The following ARIH1 variants were observed in gnomAD, a reference collection of about 807,000 sequenced individuals.
ARIH1 encodes the protein E3 ubiquitin-protein ligase ARIH1.
ARIH1 carries 8 observed loss-of-function variants against 85.0 expected under a neutral mutation model. The ratio of observed to expected loss-of-function variants is 0.09; its 90% CI spans 0.06 to 0.17. The LOEUF (loss-of-function observed/expected upper bound fraction) is 0.17. Ranked by LOEUF, ARIH1 falls within the 10% of genes least tolerant of loss-of-function variation. The pLI is 1.00. For missense variants in ARIH1, 311 were observed against 718.1 expected (o/e 0.43, Z 6.48); for synonymous variants, 238 against 253.6 (o/e 0.94, Z 0.59).
intron 5 of ARIH1, among the ~76,000 whole-genome samples, chr15:72,557,147 T>A (rs2064177943): frequency 6.6e-6 from 1 of 152,166 alleles, no homozygotes; most frequent in Admixed American, 6.5e-5. Context: ...TTTAATAATA[T>A]TCCTTATGAC....
intron 6 of ARIH1, among the ~76,000 whole-genome samples, chr15:72,563,074 C>G (rs1256092637): frequency 6.6e-6 from 1 of 152,082 alleles, no homozygotes; most frequent in African/African-American, 2.4e-5. Flanking sequence ...TTTTTTGAGG[C>G]AGGGCCTCAT....
At chr15:72,539,494 A>G (rs2064097184) in intron 2 of ARIH1, among the ~76,000 whole-genome samples, 1 of 152,214 alleles carries the variant, frequency 6.6e-6, no homozygotes, top group Non-Finnish European at 1.5e-5. Flanking sequence ...GTAGAACTTC[A>G]AACCATGTTG....
At chr15:72,529,779 G>T (rs962247392) in intron 2 of ARIH1, among the ~76,000 whole-genome samples, 3 of 152,180 alleles carry the variant, frequency 2.0e-5, no homozygotes, top group Non-Finnish European at 2.9e-5. Flanking sequence ...GGGGCACAAA[G>T]TTTAAGGAAT....
chr15:72,565,477 A>G (rs140142038), intron 7 of ARIH1, among the ~76,000 whole-genome samples: 2 of 152,150 alleles, frequency 1.3e-5, no homozygotes, highest in African/African-American at 2.4e-5. Flanking sequence ...CCAAACATCT[A>G]TAGAATTACA....
In ARIH1 at chr15:72,474,384, G is replaced by A; in HGVS notation, c.-256G>A. The stretch of plus-strand genomic sequence containing the variant: ...CGTTGGGGACTGTTTTCTCTCGGAG[G>A]CCGGAGCGGAGCCGCGTCTGACTGA... On this transcript the variant is annotated 5_prime_UTR_variant, in exon 1 of 14. Transcript: ENST00000379887. 1 of 501,760 alleles carries A rather than the reference G, an allele frequency of 2.0e-6. No homozygotes were observed. Among genetic ancestry groups the A allele is most frequent in the Non-Finnish European group, 3.5e-6 (1 of 285,110 alleles). 31.1% of individuals were successfully genotyped at this position (501,760 alleles called of 1,614,324 possible). A position where few individuals can be genotyped will look rare whatever the true frequency, so the allele number is the denominator to read the frequency against.
At position 72,595,808 on chromosome 15, in the gene ARIH1, G is replaced by GTTTTTTTTTTTTTTTTTGTTTTTTTT. The variant is rs2064361126; in HGVS notation, c.*12533_*12534insGTTTTTTTTTTTTTTTTTTTTTTTTT. ...TATTGCAGTGTTTTTTGTTTTTTCT[G>GTTTTTTTTTTTTTTTTTGTTTTTTTT]TTTTTTTTTTTTTTTTTTCATCTTT... On this transcript the variant is annotated 3_prime_UTR_variant, in exon 14 of 14. Transcript: ENST00000379887. 1 of 122,836 alleles carries GTTTTTTTTTTTTTTTTTGTTTTTTTT rather than the reference G, an allele frequency of 8.1e-6. No homozygotes were observed. Among genetic ancestry groups the GTTTTTTTTTTTTTTTTTGTTTTTTTT allele is most frequent in the Non-Finnish European group, 1.7e-5 (1 of 57,682 alleles). The allele number at this position is 122,836 out of a possible 1,614,324, so 7.6% of individuals were successfully genotyped here.
intron 4 of ARIH1, 132 bp from the exon 5 acceptor site, chr15:72,555,720 T>A: frequency 1.3e-6 from 1 of 753,426 alleles, no homozygotes. Context: ...ACATTTCCTT[T>A]AAGGAGAAAG....
chr15:72,531,255 T>TTTTATTTATTTATTTA (rs369243037), intron 2 of ARIH1, among the ~76,000 whole-genome samples: 139 of 151,834 alleles, frequency 9.2e-4, no homozygotes, highest in African/African-American at 3.3e-3. Context: ...AAATCCACAT[T>TTTTATTTATTTATTTA]TTTATTTATT....
chr15:72,481,319 T>G (rs897207476), intron 1 of ARIH1, among the ~76,000 whole-genome samples: 49 of 152,322 alleles, frequency 3.2e-4, no homozygotes, highest in Admixed American at 2.7e-3. Context: ...ACTGCTGATG[T>G]AGTTGAAATT....
chr15:72,515,247 G>A (rs1461027923), intron 1 of ARIH1, among the ~76,000 whole-genome samples: 1 of 152,084 alleles, frequency 6.6e-6, no homozygotes, highest in Admixed American at 6.5e-5. Context: ...TGAGGCAGGA[G>A]AATTGCTTGA....
At chr15:72,525,030 G>A (rs2064021038) in intron 2 of ARIH1, among the ~76,000 whole-genome samples, 1 of 152,096 alleles carries the variant, frequency 6.6e-6, no homozygotes, top group South Asian at 2.1e-4. Flanking sequence ...GGAACTACAG[G>A]TGCGTGCCAC....
rs370572014 is a variant in ARIH1, at chr15:72,523,665, C to T, written c.443+5531C>T. Among the ~76,000 whole-genome samples the T allele has an allele frequency of 1.1e-4, 16 of 152,100 alleles. No homozygotes were observed. In the East Asian group the frequency reaches 2.1e-3, roughly 20 times the overall value. On this transcript the variant is annotated intron_variant, in intron 2 of 13. Coordinates refer to ENST00000379887, the MANE Select transcript of ARIH1 (RefSeq NM_005744.5). Reference sequence around the variant, plus strand: ...GTAAACTACAGACTTTGGGTAACAACGGTGTGTCAATGTAGGTTCATTGAA... The same window carrying T: ...GTAAACTACAGACTTTGGGTAACAATGGTGTGTCAATGTAGGTTCATTGAA...
chr15:72,577,128 A>G (rs1454268436), intron 11 of ARIH1, among the ~76,000 whole-genome samples: 2 of 151,610 alleles, frequency 1.3e-5, no homozygotes, highest in Non-Finnish European at 2.9e-5. Context: ...GATTACAGAC[A>G]TGCGCCACCA....
In ARIH1 at chr15:72,588,097, A is replaced by G. The variant is rs2064325542; in HGVS notation, c.*4805A>G. The G allele has an allele frequency of 1.3e-5, 2 of 152,200 alleles. No homozygotes were observed. The highest frequency in any genetic ancestry group is 4.8e-5 in the African/African-American group (2 of 41,452). 9.4% of individuals were successfully genotyped at this position (152,200 alleles called of 1,614,324 possible). A position where few individuals can be genotyped will look rare whatever the true frequency, so the allele number is the denominator to read the frequency against. ...AACAACCTTATTACCATAGTAATTC[A>G]GGGGTCTCAAGTAATCCAGGAGTCT... On this transcript the variant is annotated 3_prime_UTR_variant, in exon 14 of 14. Transcript: ENST00000379887.
intron 2 of ARIH1, 137 bp from the exon 3 acceptor site, chr15:72,544,683 C>T: frequency 6.6e-6 from 5 of 752,564 alleles, no homozygotes; most frequent in South Asian, 2.1e-5. Context: ...GCTTTTATTT[C>T]CTCTGAATAA....
At chr15:72,480,168 C>G (rs1024422809) in intron 1 of ARIH1, among the ~76,000 whole-genome samples, 1 of 151,972 alleles carries the variant, frequency 6.6e-6, no homozygotes, top group South Asian at 2.1e-4. Context: ...CGTGCCCGGT[C>G]AACAGTGTAC....
chr15:72,527,030 G>A (rs967328168), intron 2 of ARIH1, among the ~76,000 whole-genome samples: 1 of 151,986 alleles, frequency 6.6e-6, no homozygotes, highest in African/African-American at 2.4e-5. Context: ...TTCCATCTGG[G>A]TTTTGATACT....
At chr15:72,505,972 G>T (rs929356104) in intron 1 of ARIH1, among the ~76,000 whole-genome samples, 1 of 152,086 alleles carries the variant, frequency 6.6e-6, no homozygotes, top group Non-Finnish European at 1.5e-5. Flanking sequence ...CTGACCTCAT[G>T]ATCCACCCTC....
In ARIH1 at chr15:72,583,351, TAAAAC is replaced by T. The variant is rs1017771075; in HGVS notation, c.*68_*72del. ...TTACCATCTAGAGTGCTCATGCAAT[TAAAAC>T]AAAACAAACACAAACAAGGAGGCAC... is the stretch of plus-strand genomic sequence containing the variant. On this transcript the variant is annotated 3_prime_UTR_variant, in exon 14 of 14. Coordinates refer to ENST00000379887, the MANE Select transcript of ARIH1 (RefSeq NM_005744.5). 1.8e-5 allele frequency: 25 copies of T among 1,402,634 alleles called. No homozygotes were observed. Among genetic ancestry groups the T allele is most frequent in the African/African-American group, 2.9e-5 (2 of 69,838 alleles). The allele number at this position is 1,402,634 out of a possible 1,614,324, so 86.9% of individuals were successfully genotyped here. A position where few individuals can be genotyped will look rare whatever the true frequency, so the allele number is the denominator to read the frequency against.
Sources: allele counts gnomAD v4.1 joint callset (sites outside exome capture counted in the v4.1 genomes callset), GRCh38; gene constraint gnomAD v4.1.1; transcripts MANE v1.5; gene names NCBI Gene and HGNC (gene_info 2026-07-23, HGNC 2026-07-21).